NUBPL: variants seen among roughly 807,000 people sequenced by gnomAD.
The protein encoded by NUBPL is iron-sulfur cluster transfer protein NUBPL.
Under a neutral mutation model 45.7 loss-of-function variants are expected in NUBPL, and 31 were observed. The observed-to-expected ratio is 0.68, with a 90% CI of 0.51 to 0.92. The LOEUF is 0.92. NUBPL is among the 40% of genes least tolerant of loss of function. NUBPL has a pLI of 0.00. For missense variants in NUBPL, 401 were observed against 398.7 expected, an observed-to-expected ratio of 1.01 and a Z score of -0.05; for synonymous variants, 144 against 140.9, an observed-to-expected ratio of 1.02 and a Z score of -0.15.
intron 6 of NUBPL, among the ~76,000 whole-genome samples, chr14:31,772,384 A>G (rs907327092): frequency 3.3e-5 from 5 of 152,188 alleles, no homozygotes; most frequent in Middle Eastern, 3.2e-3. Flanking sequence ...CTTCAATAAC[A>G]TCACCTTCCT....
intron 6 of NUBPL, among the ~76,000 whole-genome samples, chr14:31,676,032 T>TG (rs2036687105): frequency 6.6e-6 from 1 of 152,092 alleles, no homozygotes; most frequent in Non-Finnish European, 1.5e-5. Context: ...GTAGCTTTTT[T>TG]TTTTTTTGAG....
rs192345586 is a variant in NUBPL, at chr14:31,792,017, A to C, written c.607+4144A>C. On this transcript the variant is annotated intron_variant, in intron 7 of 10. Transcript: ENST00000281081. The stretch of plus-strand genomic sequence containing the variant: ...GATTTCTATTTTCTTAAATCTCAGA[A>C]GGGTTTAGTGGCTTTCATAAGATAA... 3.3e-5 allele frequency among the ~76,000 whole-genome samples: 5 copies of C among 152,272 alleles called. No homozygotes were observed. In the East Asian group the frequency reaches 9.6e-4, roughly 29 times the overall value.
intron 6 of NUBPL, among the ~76,000 whole-genome samples, chr14:31,692,785 C>G (rs2037122099): frequency 1.3e-5 from 2 of 152,164 alleles, no homozygotes; most frequent in African/African-American, 4.8e-5. Flanking sequence ...TCTGCTTAAT[C>G]CTGTATAAAA....
At chr14:31,572,004 C>G (rs1310010288) in intron 3 of NUBPL, among the ~76,000 whole-genome samples, 1 of 152,138 alleles carries the variant, frequency 6.6e-6, no homozygotes, top group Non-Finnish European at 1.5e-5. Flanking sequence ...GTTGAGGAAG[C>G]AGAAACACCT....
intron 4 of NUBPL, among the ~76,000 whole-genome samples, chr14:31,617,008 C>T (rs1213137667): frequency 2.0e-5 from 3 of 151,938 alleles, no homozygotes; most frequent in Non-Finnish European, 4.4e-5. Flanking sequence ...AAGTTGTATT[C>T]CTAGGTATTT....
At chr14:31,587,991 G>T (rs76090549) in intron 3 of NUBPL, among the ~76,000 whole-genome samples, 4 of 152,132 alleles carry the variant, frequency 2.6e-5, no homozygotes, top group African/African-American at 7.2e-5. Context: ...CTGCTTCCGT[G>T]CATAAAGAGG....
chr14:31,728,836 T>C (rs2037983292), intron 6 of NUBPL, among the ~76,000 whole-genome samples: 1 of 152,232 alleles, frequency 6.6e-6, no homozygotes, highest in African/African-American at 2.4e-5. Flanking sequence ...AAAGTTATTA[T>C]CTAATTTTGA....
chr14:31,666,263 A>ATATATTTATT lies in NUBPL; in HGVS notation c.383-7092_383-7091insTATATTTATT. Among the ~76,000 whole-genome samples the ATATATTTATT allele has an allele frequency of 4.3e-3, 480 of 111,788 alleles. 51 individuals are homozygous for ATATATTTATT. The highest frequency in any genetic ancestry group is 9.4e-3 in the Middle Eastern group (2 of 212). 73.3% of individuals were successfully genotyped at this position (111,788 alleles called of 152,430 possible). A position where few individuals can be genotyped will look rare whatever the true frequency, so the allele number is the denominator to read the frequency against. ...TATATATATATATATATATATATAT[A>ATATATTTATT]ATTTTATTTTATTTTTTTTGAGACG... On this transcript the variant is annotated intron_variant, in intron 4 of 10. Transcript: ENST00000281081.
At chr14:31,696,126 C>T (rs1454826469) in intron 6 of NUBPL, among the ~76,000 whole-genome samples, 2 of 152,132 alleles carry the variant, frequency 1.3e-5, no homozygotes, top group Non-Finnish European at 2.9e-5. Flanking sequence ...ATTTGAAAAG[C>T]TGGGAGGGAC....
At chr14:31,586,195 A>G (rs371233653) in intron 3 of NUBPL, among the ~76,000 whole-genome samples, 1 of 152,216 alleles carries the variant, frequency 6.6e-6, no homozygotes, top group Non-Finnish European at 1.5e-5. Context: ...ATGTTTATCC[A>G]TGGTGCTACC....
At chr14:31,656,708 C>T (rs1323697784) in intron 4 of NUBPL, among the ~76,000 whole-genome samples, 1 of 152,064 alleles carries the variant, frequency 6.6e-6, no homozygotes, top group Non-Finnish European at 1.5e-5. Context: ...ACAGTAGTAA[C>T]ATCAAATATC....
At chr14:31,847,755 G>A (rs1270946166) in intron 9 of NUBPL, among the ~76,000 whole-genome samples, 1 of 152,126 alleles carries the variant, frequency 6.6e-6, no homozygotes, top group Non-Finnish European at 1.5e-5. Flanking sequence ...AAAAGTTGAT[G>A]TTAAATATAT....
intron 7 of NUBPL, among the ~76,000 whole-genome samples, chr14:31,808,480 CTT>C (rs1329223465): frequency 6.6e-6 from 1 of 152,186 alleles, no homozygotes; most frequent in Admixed American, 6.5e-5. Context: ...TATCCTGAGA[CTT>C]TGCTGAAGTT....
rs1161041441 is a variant in NUBPL at position 31,859,186 on chromosome 14, C to T, written c.*6C>T. On this transcript the variant is annotated 3_prime_UTR_variant, in exon 11 of 11. Transcript: ENST00000281081. ...TGCCATCACCTTCAGAATGATTCCCCAAGTGTCCTGGAAATTTGCCTGGTA... is the reference window on the plus strand; with the variant it reads ...TGCCATCACCTTCAGAATGATTCCCTAAGTGTCCTGGAAATTTGCCTGGTA... The T allele has an allele frequency of 1.2e-6, 2 of 1,612,980 alleles. No homozygotes were observed. Among genetic ancestry groups the T allele is most frequent in the Admixed American group, 1.7e-5 (1 of 60,012 alleles).
At chr14:31,604,688 C>T (rs1051296153) in intron 4 of NUBPL, among the ~76,000 whole-genome samples, 3 of 152,140 alleles carry the variant, frequency 2.0e-5, no homozygotes, top group Admixed American at 6.5e-5. Context: ...TATCCACATT[C>T]TCTTCATACC....
intron 6 of NUBPL, among the ~76,000 whole-genome samples, chr14:31,784,858 G>A (rs149129846): frequency 6.6e-6 from 1 of 152,292 alleles, no homozygotes; most frequent in East Asian, 1.9e-4. Context: ...AAGAAAACAC[G>A]ATGTCAGGGA....
chr14:31,701,375 A>G (rs1279689845), intron 6 of NUBPL, among the ~76,000 whole-genome samples: 2 of 152,248 alleles, frequency 1.3e-5, no homozygotes, highest in Non-Finnish European at 2.9e-5. Context: ...AAAATGGACC[A>G]ATCAGCTGTC....
intron 3 of NUBPL, among the ~76,000 whole-genome samples, chr14:31,566,768 A>T (rs1039210671): frequency 6.6e-6 from 1 of 152,134 alleles, no homozygotes; most frequent in Non-Finnish European, 1.5e-5. Flanking sequence ...TAAATGAAAG[A>T]TGGAGGTAGG....
At chr14:31,597,341 T>C (rs2034311055) in intron 3 of NUBPL, among the ~76,000 whole-genome samples, 1 of 152,206 alleles carries the variant, frequency 6.6e-6, no homozygotes, top group Admixed American at 6.5e-5. Flanking sequence ...TCTAGGCATA[T>C]GTAAAATCTA....
Sources: allele counts gnomAD v4.1 joint callset (sites outside exome capture counted in the v4.1 genomes callset), GRCh38; gene constraint gnomAD v4.1.1; transcripts MANE v1.5; gene names NCBI Gene and HGNC (gene_info 2026-07-23, HGNC 2026-07-21).